The following GTPBP4 variants were observed in gnomAD, a reference collection of about 807,000 sequenced individuals.
GTPBP4 encodes GTP-binding protein 4.
Under a neutral mutation model 81.7 loss-of-function variants are expected in GTPBP4, and 15 were observed. The observed-to-expected ratio is 0.18, with a 90% CI of 0.12 to 0.28. The LOEUF (loss-of-function observed/expected upper bound fraction) is 0.28. Among genes scored for constraint, GTPBP4 ranks in the 10% least tolerant of loss-of-function variants. The pLI, the probability that GTPBP4 is intolerant of heterozygous loss-of-function variation, is 1.00. For missense variants in GTPBP4, 847 were observed against 793.8 expected (o/e 1.07, Z -0.81); for synonymous variants, 272 against 274.6 (o/e 0.99, Z 0.09).
chr10:992,189 A>G (rs1179719897), intron 1 of GTPBP4, among the ~76,000 whole-genome samples: 1 of 151,436 alleles, frequency 6.6e-6, no homozygotes, highest in East Asian at 2.0e-4. Flanking sequence ...TCACGAGGTC[A>G]GGATATCAAG....
At position 1,017,219 on chromosome 10, in the gene GTPBP4, A is replaced by G. The variant is rs759087426; in HGVS notation, c.1897A>G (p.Arg633Gly). Residue 633 changes from arginine to glycine, a missense_variant, in exon 17 of 17, where the codon AGG (arginine) becomes GGG (glycine). By Grantham distance (125) the Arg-to-Gly change is moderately radical. Around this residue, in one of 3 missense-constraint regions of GTPBP4, gnomAD observed 600 missense variants for 557.1 expected, o/e 1.08. Transcript: ENST00000360803. The stretch of plus-strand genomic sequence containing the variant: ...GAAGAGGAAAGCTGGTAAAAAGGAC[A>G]GGAGATAGTATCCGTTTGGTTGGCG... ...SGKRKAGKKD[R>G]R 2.4e-5 allele frequency: 39 copies of G among 1,613,746 alleles called. No individual in the cohort carries two copies. Among genetic ancestry groups the G allele is most frequent in the Non-Finnish European group, 3.2e-5 (38 of 1,179,712 alleles).
At chr10:1,006,051 T>G (rs1589028051) in intron 9 of GTPBP4, 144 bp downstream of exon 9, 1 of 573,080 alleles carries the variant, frequency 1.7e-6, no homozygotes, top group Non-Finnish European at 3.1e-6. Context: ...CGTGCGAGAG[T>G]GGGGCGTGAA....
intron 14 of GTPBP4, 78 bp downstream of exon 14, chr10:1,012,740 A>G: frequency 1.0e-6 from 1 of 976,356 alleles, no homozygotes; most frequent in Non-Finnish European, 1.6e-6. Context: ...CTAAATAACA[A>G]CTTTTCAACC....
intron 8 of GTPBP4, among the ~76,000 whole-genome samples, chr10:1,002,011 C>A (rs978146884): frequency 6.6e-6 from 1 of 151,748 alleles, no homozygotes; most frequent in African/African-American, 2.4e-5. Context: ...GCAGCCTCCA[C>A]CTCTGAGGTT....
chr10:989,156 CTT>C (rs1831398110), intron 1 of GTPBP4, among the ~76,000 whole-genome samples: 2 of 116,032 alleles, frequency 1.7e-5, no homozygotes, highest in Admixed American at 1.1e-4. Flanking sequence ...GTTTTTCGCT[CTT>C]GTTTCCCAGG....
chr10:1,011,964 C>T (rs906676281), intron 13 of GTPBP4, among the ~76,000 whole-genome samples: 2 of 152,254 alleles, frequency 1.3e-5, no homozygotes, highest in Admixed American at 6.5e-5. Context: ...GCATCTCGTA[C>T]AGGCACATCT....
rs1162726747 is a variant in GTPBP4, at chr10:1,000,811, T to A, written c.789T>A (p.His263Gln). The A allele has an allele frequency of 6.2e-7, 1 of 1,611,574 alleles. No homozygotes were observed. Among genetic ancestry groups the A allele is most frequent in the South Asian group, 1.1e-5 (1 of 90,574 alleles). ...TGGATTTGTCTGAGCAGTGTGGGCA[T>A]GGGCTGAGGGAGCAGCTAGAACTCT... ...YVMDLSEQCG[H>Q]GLREQLELFQ... is the part of the protein sequence containing the mutation. Residue 263 changes from histidine to glutamine, a missense_variant, in exon 7 of 17, where the codon CAT (histidine) becomes CAA (glutamine). Around this residue, in one of 3 missense-constraint regions of GTPBP4, gnomAD observed 600 missense variants for 557.1 expected, o/e 1.08. Coordinates refer to ENST00000360803, the MANE Select transcript of GTPBP4 (RefSeq NM_012341.3).
chr10:1,015,394 G>GCGGGGC (rs1831961087), intron 15 of GTPBP4, among the ~76,000 whole-genome samples: 18 of 127,200 alleles, frequency 1.4e-4, no homozygotes, highest in African/African-American at 3.1e-4. Context: ...GAGCCTGGGA[G>GCGGGGC]TGGACCTGGG....
In GTPBP4 at chr10:997,240, G is replaced by C. The variant is rs768912156; in HGVS notation, c.493G>C (p.Asp165His). The change falls in exon 5 of 17, where the codon GAT becomes CAT. Residue 165 changes from aspartate to histidine, a missense_variant. Physicochemically the swap from Asp to His is moderately conservative, Grantham distance 81. Coordinates refer to ENST00000360803, the MANE Select transcript of GTPBP4 (RefSeq NM_012341.3). ...GCATTTATCCCGTTTGCCAACCATTGATCCGAATACCAGGACCCTGCTTTT... is the reference window on the plus strand; with the variant it reads ...GCATTTATCCCGTTTGCCAACCATTCATCCGAATACCAGGACCCTGCTTTT... ...RQHLSRLPTI[D>H]PNTRTLLLCG... The C allele has an allele frequency of 2.5e-5, 40 of 1,607,808 alleles. No homozygotes were observed. The Admixed American group carries it at 6.7e-4, about 27-fold the overall frequency.
rs924101031 is a variant in GTPBP4, at chr10:1,006,965, G to A, written c.1003-53G>A. ...GTGGCTCCTCCTGGAACCTGTAGCT[G>A]GAGGCTGCTGGAGGATGCGTTTGTG... On this transcript the variant is annotated intron_variant, in intron 9 of 16. Transcript: ENST00000360803. 3 of 1,085,880 alleles carry A rather than the reference G, an allele frequency of 2.8e-6. No individual in the cohort carries two copies. In the African/African-American group the frequency reaches 4.6e-5, roughly 17 times the overall value. 67.3% of individuals were successfully genotyped at this position (1,085,880 alleles called of 1,614,324 possible). A position where few individuals can be genotyped will look rare whatever the true frequency, so the allele number is the denominator to read the frequency against.
chr10:1,010,350 A>G, intron 12 of GTPBP4, 70 bp from the exon 13 acceptor site: 1 of 791,108 alleles, frequency 1.3e-6, no homozygotes, highest in South Asian at 1.4e-5. Flanking sequence ...GTCACAACTC[A>G]TTTTGCGCAC....
chr10:1,005,138 GGTTTGTTT>G lies in GTPBP4; in HGVS notation c.913-663_913-656del, dbSNP rs111855177. ...GCTGGCGGCCCAGTGTGTTTTTTTT[GGTTTGTTT>G]GTTTGTTTGTTTGTTTTAAGACGGA... On this transcript the variant is annotated intron_variant, in intron 8 of 16. Transcript: ENST00000360803. Among the ~76,000 whole-genome samples, 119 of 151,864 alleles carry G rather than the reference GGTTTGTTT, an allele frequency of 7.8e-4. 1 individual carries two copies. The highest frequency in any genetic ancestry group is 1.9e-3 in the East Asian group (10 of 5,166).
intron 10 of GTPBP4, chr10:1,008,223 G>C: frequency 4.6e-6 from 2 of 438,002 alleles, no homozygotes; most frequent in South Asian, 3.2e-5. Flanking sequence ...GACCAGCCTG[G>C]CAATCATGGT....
At position 1,009,543 on chromosome 10, in the gene GTPBP4, G is replaced by A. The variant is rs546188373; in HGVS notation, c.1206G>A (p.Glu402=). ...ESRKKRERDL[E]LEMGDDYILD... is the part of the protein sequence containing the mutation. ...TTCTATTGCAGGAACGAGATCTTGA[G>A]CTGGAAATGGGAGATGATTATATTT... Residue 402 remains glutamate, a synonymous_variant, in exon 12 of 17, where the codon GAG becomes GAA. Transcript: ENST00000360803. 11 of 1,604,706 alleles carry A rather than the reference G, an allele frequency of 6.9e-6. No homozygotes were observed. In the East Asian group the frequency reaches 8.9e-5, roughly 13 times the overall value.
At chr10:997,423 G>C (rs186235968) in intron 5 of GTPBP4, 115 bp downstream of exon 5, 110 of 748,174 alleles carry the variant, frequency 1.5e-4, no homozygotes, top group Admixed American at 4.0e-4. Context: ...ACTGTATTCT[G>C]ACTGCGTGGG....
intron 2 of GTPBP4, among the ~76,000 whole-genome samples, chr10:995,097 T>C (rs1367212314): frequency 6.6e-6 from 1 of 152,142 alleles, no homozygotes; most frequent in African/African-American, 2.4e-5. Context: ...GGGTCGAGTT[T>C]ATATGCACTG....
chr10:1,005,863 A>T lies in GTPBP4; in HGVS notation c.958A>T (p.Thr320Ser). Residue 320 changes from threonine to serine, a missense_variant, in exon 9 of 17, where the codon ACC (threonine) becomes TCC (serine). Around this residue, in one of 3 missense-constraint regions of GTPBP4, gnomAD observed 600 missense variants for 557.1 expected, o/e 1.08. Transcript: ENST00000360803. ...GTCTGAAGGATTCCCTGTAATAGAGACCAGCACCCTGACTGAGGAAGGTGT... is the reference window on the plus strand; with the variant it reads ...GTCTGAAGGATTCCCTGTAATAGAGTCCAGCACCCTGACTGAGGAAGGTGT... ...LQSEGFPVIETSTLTEEGVIK... is the reference protein window; with the variant it reads ...LQSEGFPVIESSTLTEEGVIK... 6.2e-7 allele frequency: 1 copy of T among 1,602,138 alleles called. No homozygotes were observed. The highest frequency in any genetic ancestry group is 1.1e-5 in the South Asian group (1 of 89,686).
intron 6 of GTPBP4, among the ~76,000 whole-genome samples, chr10:999,883 C>T (rs1279463695): frequency 6.6e-6 from 1 of 152,098 alleles, no homozygotes; most frequent in African/African-American, 2.4e-5. Context: ...CGCTTGAACC[C>T]AGAAGACAGG....
chr10:996,467 G>A, intron 4 of GTPBP4: 1 of 351,378 alleles, frequency 2.8e-6, no homozygotes, highest in Non-Finnish European at 5.1e-6. Flanking sequence ...ATATTTAATA[G>A]GTAAGGCATA....
Sources: allele counts gnomAD v4.1 joint callset (sites outside exome capture counted in the v4.1 genomes callset), GRCh38; gene constraint gnomAD v4.1.1; regional missense constraint gnomAD v4.1.1; transcripts MANE v1.5; gene names NCBI Gene and HGNC (gene_info 2026-07-23, HGNC 2026-07-21).